DNAH8: variants seen among roughly 807,000 people sequenced by gnomAD.
The protein encoded by DNAH8 is dynein axonemal heavy chain 8, also known as axonemal beta dynein heavy chain 8.
DNAH8 carries 382 observed loss-of-function variants against 562.1 expected under a neutral mutation model. That is an observed-to-expected ratio of 0.68 (90% CI 0.63 to 0.74). DNAH8 has a LOEUF of 0.74. Ranked by LOEUF, DNAH8 falls within the 30% of genes least tolerant of loss-of-function variation. The pLI is 0.00. For synonymous variants in DNAH8, 1,881 were observed against 1,919.4 expected, an observed-to-expected ratio of 0.98 and a Z score of 0.52; for missense variants, 5,203 against 5,620.4, an observed-to-expected ratio of 0.93 and a Z score of 2.37.
intron 81 of DNAH8, among the ~76,000 whole-genome samples, chr6:38,950,472 C>T (rs546239139): frequency 3.9e-4 from 58 of 150,386 alleles, no homozygotes; most frequent in African/African-American, 1.2e-3. Flanking sequence ...CAGAGTCTCA[C>T]TCTGTCACCC....
intron 79 of DNAH8, among the ~76,000 whole-genome samples, chr6:38,941,227 A>G (rs1202191844): frequency 1.3e-5 from 2 of 152,200 alleles, no homozygotes; most frequent in South Asian, 2.1e-4. Flanking sequence ...TAATCTAGGG[A>G]AAAAATGTGG....
At chr6:38,792,307 C>T (rs543428147) in intron 21 of DNAH8, among the ~76,000 whole-genome samples, 42 of 152,192 alleles carry the variant, frequency 2.8e-4, no homozygotes, top group Middle Eastern at 3.4e-3. Context: ...AGACTGGTCT[C>T]GAACTCCCGA....
At chr6:38,987,279 C>T (rs556858354) in intron 87 of DNAH8, among the ~76,000 whole-genome samples, 1 of 152,296 alleles carries the variant, frequency 6.6e-6, no homozygotes, top group East Asian at 1.9e-4. Flanking sequence ...GGGGGATTCC[C>T]CTCTCTGACC....
At chr6:39,027,739 T>C (rs1298428939) in intron 92 of DNAH8, among the ~76,000 whole-genome samples, 1 of 152,068 alleles carries the variant, frequency 6.6e-6, no homozygotes, top group Non-Finnish European at 1.5e-5. Flanking sequence ...GGTGGGAAGA[T>C]TGCTTGAATA....
Position 38,894,286 on chromosome 6 carries a change from C to T in DNAH8, c.8584-415C>T, listed in dbSNP as rs560385895. On this transcript the variant is annotated intron_variant, in intron 58 of 92. Coordinates refer to ENST00000327475, the MANE Select transcript of DNAH8 (RefSeq NM_001206927.2). ...ATTATTAACTTTAAAGGTGAACATT[C>T]GTTGTTCTTACCTGCATGACAACCA... Among the ~76,000 whole-genome samples, 5 of 152,304 alleles carry T rather than the reference C, an allele frequency of 3.3e-5. No individual in the cohort carries two copies. The South Asian group carries it at 8.3e-4, about 25-fold the overall frequency.
chr6:38,968,166 C>G (rs1443612307), intron 82 of DNAH8, among the ~76,000 whole-genome samples: 1 of 152,104 alleles, frequency 6.6e-6, no homozygotes, highest in Non-Finnish European at 1.5e-5. Context: ...AGAGACTTAA[C>G]TGTAAACACT....
rs375111141 is a variant in DNAH8, at chr6:38,873,206, A to G, written c.7480-30A>G. On this transcript the variant is annotated intron_variant, in intron 51 of 92. Transcript: ENST00000327475. Reference sequence around the variant, plus strand: ...AGTCTCTCCACGTTTCACTTTCTCAATAAACACAGATTCTGTTTCTTTGTT... The same window carrying G: ...AGTCTCTCCACGTTTCACTTTCTCAGTAAACACAGATTCTGTTTCTTTGTT... 1.3e-5 allele frequency: 21 copies of G among 1,612,620 alleles called. No individual in the cohort carries two copies. In the East Asian group the frequency reaches 3.8e-4, roughly 29 times the overall value.
chr6:38,813,064 T>C (rs1430700041), intron 24 of DNAH8, among the ~76,000 whole-genome samples: 1 of 152,216 alleles, frequency 6.6e-6, no homozygotes, highest in East Asian at 1.9e-4. Context: ...CACCTGAAAT[T>C]TTGGAGAATA....
At chr6:38,793,710 C>T (rs1375680463) in intron 21 of DNAH8, among the ~76,000 whole-genome samples, 1 of 151,980 alleles carries the variant, frequency 6.6e-6, no homozygotes, top group South Asian at 2.1e-4. Context: ...TTATCTATTT[C>T]TAGATGTTAT....
intron 88 of DNAH8, among the ~76,000 whole-genome samples, chr6:38,994,798 C>G (rs1241954942): frequency 6.6e-6 from 1 of 151,930 alleles, no homozygotes; most frequent in Non-Finnish European, 1.5e-5. Context: ...GTACATGCCA[C>G]CATGCCTGGC....
intron 41 of DNAH8, among the ~76,000 whole-genome samples, chr6:38,855,740 C>T (rs945968772): frequency 6.6e-6 from 1 of 152,144 alleles, no homozygotes; most frequent in Non-Finnish European, 1.5e-5. Flanking sequence ...CAACCACCCC[C>T]ACCCGGCCCG....
intron 57 of DNAH8, among the ~76,000 whole-genome samples, chr6:38,889,631 T>A (rs1400767500): frequency 2.0e-5 from 3 of 152,198 alleles, no homozygotes; most frequent in Non-Finnish European, 4.4e-5. Flanking sequence ...AATCAAGGCC[T>A]TTTAGCTAGT....
At chr6:38,906,488 A>C (rs943918400) in intron 63 of DNAH8, 81 bp downstream of exon 63, 14 of 1,159,748 alleles carry the variant, frequency 1.2e-5, no homozygotes, top group Non-Finnish European at 1.3e-5. Context: ...AACCTTTCAA[A>C]AATGAGGCTA....
At chr6:38,833,475 C>A (rs1774019547) in intron 31 of DNAH8, among the ~76,000 whole-genome samples, 1 of 152,084 alleles carries the variant, frequency 6.6e-6, no homozygotes, top group Admixed American at 6.6e-5. Context: ...CCTGAACAGA[C>A]ACAGCCAGTC....
At chr6:38,852,633 A>G in intron 39 of DNAH8, 61 bp from the exon 40 acceptor site, 2 of 1,222,388 alleles carry the variant, frequency 1.6e-6, no homozygotes, top group South Asian at 1.3e-5. Flanking sequence ...TAAGGCTTTT[A>G]AAAACATCTC....
chr6:38,917,961 C>G lies in DNAH8; in HGVS notation c.10345C>G (p.Gln3449Glu). The change falls in exon 70 of 93, where the codon CAG (glutamine) becomes GAG (glutamate). Residue 3449 changes from glutamine (Q) to glutamate (E), a missense_variant. By Grantham distance (29) the Gln-to-Glu change is conservative (BLOSUM62 2). Coordinates refer to ENST00000327475, the MANE Select transcript of DNAH8 (RefSeq NM_001206927.2). ...SATGFLWSLQ[Q>E]FPKDTINEET... is the part of the protein sequence containing the mutation. ...AACAGGATTCCTGTGGAGCCTTCAG[C>G]AGTTCCCTAAGGACACTATAAATGA... 6.2e-7 allele frequency: 1 copy of G among 1,613,550 alleles called. No individual in the cohort carries two copies. Among genetic ancestry groups the G allele is most frequent in the Middle Eastern group, 1.7e-4 (1 of 5,942 alleles).
At chr6:38,923,928 C>T (rs963949147) in intron 72 of DNAH8, 63 bp from the exon 73 acceptor site, 14 of 1,563,222 alleles carry the variant, frequency 9.0e-6, no homozygotes, top group Admixed American at 5.2e-5. Context: ...AAACTGTGAC[C>T]TCTCAAACAA....
At chr6:38,971,485 T>TC in intron 82 of DNAH8, 107 bp from the exon 83 acceptor site, 2 of 663,900 alleles carry the variant, frequency 3.0e-6, no homozygotes, top group Non-Finnish European at 4.5e-6. Flanking sequence ...TTTTTTTTTT[T>TC]TTAGAAACAA....
intron 80 of DNAH8, among the ~76,000 whole-genome samples, 162 bp downstream of exon 80, chr6:38,945,750 A>T (rs186434860): frequency 6.6e-6 from 1 of 152,312 alleles, no homozygotes; most frequent in East Asian, 1.9e-4. Flanking sequence ...TCTTGGACAG[A>T]TGGACCTCAG....
Sources: allele counts gnomAD v4.1 joint callset (sites outside exome capture counted in the v4.1 genomes callset), GRCh38; gene constraint gnomAD v4.1.1; transcripts MANE v1.5; gene names NCBI Gene and HGNC (gene_info 2026-07-23, HGNC 2026-07-21).